SPATA45: variants seen among roughly 807,000 people sequenced by gnomAD.
SPATA45 encodes the protein spermatogenesis-associated protein 45.
SPATA45 carries 5 observed loss-of-function variants against 7.0 expected under a neutral mutation model. The ratio of observed to expected loss-of-function variants is 0.71; its 90% CI spans 0.37 to 1.50. The LOEUF (loss-of-function observed/expected upper bound fraction) is 1.50. SPATA45 is among the 40% of genes most tolerant of loss of function. The pLI is 0.03. For synonymous variants in SPATA45, 40 were observed against 38.7 expected (o/e 1.03, Z -0.13); for missense variants, 111 against 114.9 (o/e 0.97, Z 0.16).
intron 1 of SPATA45, among the ~76,000 whole-genome samples, chr1:212,842,710 C>T (rs889695503): frequency 5.9e-5 from 9 of 152,002 alleles, no homozygotes; most frequent in South Asian, 2.1e-4. Context: ...CGGTGGCTCA[C>T]GCCTGTGATC....
intron 1 of SPATA45, among the ~76,000 whole-genome samples, chr1:212,839,549 T>C (rs1663643088): frequency 6.7e-6 from 1 of 148,824 alleles, no homozygotes; most frequent in African/African-American, 2.5e-5. Context: ...ACCCAGGAGG[T>C]GGAGGTTGCA....
chr1:212,835,416 C>T (rs1340678857), intron 2 of SPATA45, among the ~76,000 whole-genome samples: 1 of 151,548 alleles, frequency 6.6e-6, no homozygotes. Flanking sequence ...ATCCCAGCTA[C>T]TCGAGAGGCT....
At chr1:212,842,175 C>T (rs1314603849) in intron 1 of SPATA45, among the ~76,000 whole-genome samples, 2 of 151,248 alleles carry the variant, frequency 1.3e-5, no homozygotes, top group South Asian at 2.1e-4. Context: ...GTCAGGGGTT[C>T]GAGACCAGCC....
chr1:212,846,117 A>G (rs1436357392), intron 1 of SPATA45, among the ~76,000 whole-genome samples: 1 of 152,070 alleles, frequency 6.6e-6, no homozygotes, highest in Non-Finnish European at 1.5e-5. Flanking sequence ...TTCTCAATTC[A>G]TACAAAACCA....
intron 1 of SPATA45, among the ~76,000 whole-genome samples, chr1:212,845,044 C>T (rs1361961168): frequency 6.6e-6 from 1 of 152,178 alleles, no homozygotes; most frequent in African/African-American, 2.4e-5. Flanking sequence ...AATCTCTTCC[C>T]ACACAAGGCA....
chr1:212,838,254 A>G (rs529540904), intron 1 of SPATA45, among the ~76,000 whole-genome samples: 1 of 151,426 alleles, frequency 6.6e-6, no homozygotes, highest in African/African-American at 2.4e-5. Context: ...CGGTGAGTCA[A>G]GATCATAGCA....
chr1:212,846,594 C>G (rs191295756), intron 1 of SPATA45, among the ~76,000 whole-genome samples: 22 of 152,148 alleles, frequency 1.4e-4, no homozygotes, highest in Non-Finnish European at 2.4e-4. Context: ...TATTCTCCCC[C>G]CTCCACTTAA....
chr1:212,846,655 C>T (rs1327316856), intron 1 of SPATA45, among the ~76,000 whole-genome samples: 1 of 152,174 alleles, frequency 6.6e-6, no homozygotes, highest in Non-Finnish European at 1.5e-5. Flanking sequence ...ACTTTGTACA[C>T]CTATCCCAAA....
At chr1:212,840,150 A>C (rs1475276855) in intron 1 of SPATA45, among the ~76,000 whole-genome samples, 1 of 151,490 alleles carries the variant, frequency 6.6e-6, no homozygotes, top group East Asian at 1.9e-4. Context: ...GCAGTGGCTC[A>C]TGCCTGTAAT....
chr1:212,841,768 T>A (rs1221036773), intron 1 of SPATA45, among the ~76,000 whole-genome samples: 1 of 151,890 alleles, frequency 6.6e-6, no homozygotes, highest in Non-Finnish European at 1.5e-5. Flanking sequence ...TTTTTGTTTG[T>A]TAGTTTTGAA....
Position 212,832,029 on chromosome 1 carries a change from T to TC in SPATA45, c.278-1769_278-1768insG, listed in dbSNP as rs1663498939. ...ACATTTACTTCCTTTTTTTTTTTTT[T>TC]TTTTTTGAGACGGAGTTTCGCTCTT... On this transcript the variant is annotated intron_variant, in intron 2 of 2. Coordinates refer to ENST00000332912, the MANE Select transcript of SPATA45 (RefSeq NM_001024601.3). Among the ~76,000 whole-genome samples, 5 of 134,784 alleles carry TC rather than the reference T, an allele frequency of 3.7e-5. No homozygotes were observed. The South Asian group carries it at 1.3e-3, about 35-fold the overall frequency. 88.4% of individuals were successfully genotyped at this position (134,784 alleles called of 152,430 possible).
chr1:212,843,594 C>T (rs1438964361), intron 1 of SPATA45, among the ~76,000 whole-genome samples: 2 of 152,114 alleles, frequency 1.3e-5, no homozygotes, highest in Non-Finnish European at 2.9e-5. Context: ...TATTAACAAA[C>T]AATGGAGACG....
chr1:212,846,341 G>A (rs970692307), intron 1 of SPATA45, among the ~76,000 whole-genome samples: 5 of 152,014 alleles, frequency 3.3e-5, no homozygotes, highest in Non-Finnish European at 7.4e-5. Context: ...CTTCACCACT[G>A]TTTTGTTTTG....
intron 2 of SPATA45, among the ~76,000 whole-genome samples, chr1:212,833,526 T>C (rs1663527575): frequency 7.2e-6 from 1 of 138,836 alleles, no homozygotes; most frequent in Non-Finnish European, 1.6e-5. Flanking sequence ...AAAAAAAAAT[T>C]AGCCAGGCGT....
chr1:212,840,998 T>A (rs1663672168), intron 1 of SPATA45, among the ~76,000 whole-genome samples: 1 of 151,462 alleles, frequency 6.6e-6, no homozygotes, highest in Non-Finnish European at 1.5e-5. Flanking sequence ...TGGAGTCCAG[T>A]GGAGTGATAT....
intron 2 of SPATA45, 35 bp downstream of exon 2, chr1:212,835,836 CAA>C (rs369495200): frequency 0.015 from 19,832 of 1,310,814 alleles, 4 homozygotes; most frequent in Admixed American, 0.03. Flanking sequence ...AACTCCATCT[CAA>C]AAAAAAAAAA....
chr1:212,844,103 G>T (rs1295119656), intron 1 of SPATA45, among the ~76,000 whole-genome samples: 1 of 152,160 alleles, frequency 6.6e-6, no homozygotes, highest in Non-Finnish European at 1.5e-5. Flanking sequence ...TGTGTGGTCA[G>T]AATTCTTACA....
intron 1 of SPATA45, among the ~76,000 whole-genome samples, chr1:212,837,558 G>A (rs200588297): frequency 2.6e-5 from 4 of 151,584 alleles, no homozygotes; most frequent in African/African-American, 4.8e-5. Flanking sequence ...GCTTGAACCC[G>A]GGAGGCAGAG....
intron 1 of SPATA45, among the ~76,000 whole-genome samples, chr1:212,843,463 G>T (rs1663729192): frequency 6.6e-6 from 1 of 152,146 alleles, no homozygotes; most frequent in African/African-American, 2.4e-5. Context: ...TGTTCAATTT[G>T]ATAAGTAAAT....
Sources: allele counts gnomAD v4.1 joint callset (sites outside exome capture counted in the v4.1 genomes callset), GRCh38; gene constraint gnomAD v4.1.1; transcripts MANE v1.5; gene names NCBI Gene and HGNC (gene_info 2026-07-23, HGNC 2026-07-21).